LIPC: variants seen among roughly 807,000 people sequenced by gnomAD.
LIPC encodes lipase C, hepatic type.
A neutral mutation model predicts 50.7 loss-of-function variants in LIPC; 44 were observed. The observed-to-expected ratio is 0.87, with a 90% CI of 0.68 to 1.11. LIPC has a LOEUF of 1.11. LIPC is among the 50% of genes most tolerant of loss of function. The probability of loss-of-function intolerance (pLI) is 0.00; values close to 1 mark genes in which losing one functional copy is unlikely to be tolerated. For synonymous variants in LIPC, 271 were observed against 256.4 expected (o/e 1.06, Z -0.54); for missense variants, 697 against 648.2 (o/e 1.08, Z -0.82).
At chr15:58,484,245 T>C (rs1259274828) in intron 1 of LIPC, among the ~76,000 whole-genome samples, 1 of 152,232 alleles carries the variant, frequency 6.6e-6, no homozygotes, top group Non-Finnish European at 1.5e-5. Context: ...CACCTCATTA[T>C]TCCATTCCTA....
At chr15:58,549,998 A>T (rs1222176092) in intron 6 of LIPC, among the ~76,000 whole-genome samples, 1 of 152,148 alleles carries the variant, frequency 6.6e-6, no homozygotes, top group African/African-American at 2.4e-5. Context: ...ATTTCACTGG[A>T]TCTATTTTAA....
intron 6 of LIPC, among the ~76,000 whole-genome samples, chr15:58,554,514 G>A (rs1469902219): frequency 6.6e-6 from 1 of 151,596 alleles, no homozygotes; most frequent in Non-Finnish European, 1.5e-5. Flanking sequence ...GCTGGGGGTG[G>A]CAGGGTAGAA....
intron 1 of LIPC, among the ~76,000 whole-genome samples, chr15:58,517,119 A>G (rs1306248616): frequency 1.3e-5 from 2 of 152,252 alleles, no homozygotes; most frequent in East Asian, 1.9e-4. Context: ...CAAAATATCC[A>G]TGTCCCACAC....
At chr15:58,467,074 C>T (rs1187325209) in intron 1 of LIPC, among the ~76,000 whole-genome samples, 1 of 152,126 alleles carries the variant, frequency 6.6e-6, no homozygotes, top group Non-Finnish European at 1.5e-5. Flanking sequence ...TTTGGCATGA[C>T]GTTTCATCAG....
intron 1 of LIPC, among the ~76,000 whole-genome samples, chr15:58,446,737 G>A (rs1376523345): frequency 6.6e-6 from 1 of 152,110 alleles, no homozygotes; most frequent in Non-Finnish European, 1.5e-5. Context: ...GCCAGTCTTA[G>A]CTACTGTTGT....
rs11633043 is a variant in LIPC, at chr15:58,545,523, G to A, written c.575-219G>A. ...AGAGTTTCCGCAAACCTCTTTCCCC[G>A]CTAGCTAATGCCCAGCCTGTGTGTC... On this transcript the variant is annotated intron_variant, in intron 4 of 8. Transcript: ENST00000299022. Among the ~76,000 whole-genome samples, 17,192 of 152,156 alleles carry A rather than the reference G, an allele frequency of 0.11. 1,114 individuals carry two copies. Among genetic ancestry groups the A allele is most frequent in the East Asian group, 0.2 (1,034 of 5,178 alleles).
chr15:58,544,563 T>C (rs1362069076), intron 4 of LIPC, among the ~76,000 whole-genome samples: 1 of 151,914 alleles, frequency 6.6e-6, no homozygotes, highest in Non-Finnish European at 1.5e-5. Flanking sequence ...GCCCGGCTAA[T>C]TTTTGTATTT....
intron 1 of LIPC, among the ~76,000 whole-genome samples, chr15:58,479,237 G>C (rs1257191341): frequency 6.6e-6 from 1 of 152,168 alleles, no homozygotes; most frequent in Non-Finnish European, 1.5e-5. Context: ...AAAATAATCA[G>C]CCTGAAAATA....
At chr15:58,561,937 A>G (rs1463754912) in intron 7 of LIPC, among the ~76,000 whole-genome samples, 1 of 152,160 alleles carries the variant, frequency 6.6e-6, no homozygotes, top group East Asian at 1.9e-4. Context: ...GGGTCCATTC[A>G]GATGGTTGGA....
At chr15:58,465,971 A>G (rs556442694) in intron 1 of LIPC, among the ~76,000 whole-genome samples, 7 of 152,318 alleles carry the variant, frequency 4.6e-5, no homozygotes, top group Admixed American at 3.9e-4. Context: ...AAGTTCTATC[A>G]AGCCCCATCT....
intron 1 of LIPC, chr15:58,454,445 C>G (rs34430575): frequency 1.6e-4 from 24 of 152,294 alleles, no homozygotes; most frequent in African/African-American, 5.3e-4. Context: ...AAGCAGAAAG[C>G]TGGGGTTTGG....
At chr15:58,566,539 C>A in intron 8 of LIPC, 1 of 770,248 alleles carries the variant, frequency 1.3e-6, no homozygotes, top group Non-Finnish European at 1.6e-6. Flanking sequence ...GAACATTAAA[C>A]TCTACACTCG....
intron 1 of LIPC, among the ~76,000 whole-genome samples, chr15:58,478,147 T>C (rs1368681613): frequency 6.6e-6 from 1 of 152,176 alleles, no homozygotes; most frequent in South Asian, 2.1e-4. Flanking sequence ...AAGCTGGAAG[T>C]GATGAGTGAA....
At chr15:58,559,631 A>G (rs1221656487) in intron 6 of LIPC, among the ~76,000 whole-genome samples, 11 of 151,318 alleles carry the variant, frequency 7.3e-5, no homozygotes, top group Non-Finnish European at 1.3e-4. Flanking sequence ...AAGAGAGCTC[A>G]GGAGGTCAAG....
At chr15:58,452,275 G>T (rs997145502) in intron 1 of LIPC, among the ~76,000 whole-genome samples, 1 of 152,194 alleles carries the variant, frequency 6.6e-6, no homozygotes, top group Admixed American at 6.5e-5. Context: ...GGCAGTCTGG[G>T]TTTTAACGCA....
At chr15:58,500,005 T>G (rs753077556) in intron 1 of LIPC, among the ~76,000 whole-genome samples, 8 of 150,914 alleles carry the variant, frequency 5.3e-5, no homozygotes, top group Non-Finnish European at 1.0e-4. Context: ...CCAGCTGGAG[T>G]AAGGAGAGTA....
At chr15:58,488,466 C>G (rs1282097705) in intron 1 of LIPC, among the ~76,000 whole-genome samples, 2 of 152,220 alleles carry the variant, frequency 1.3e-5, no homozygotes, top group Non-Finnish European at 2.9e-5. Flanking sequence ...AAGAGTCATT[C>G]TCAGGCCTAT....
intron 1 of LIPC, among the ~76,000 whole-genome samples, chr15:58,533,770 C>T (rs1893026369): frequency 6.6e-6 from 1 of 152,114 alleles, no homozygotes; most frequent in Non-Finnish European, 1.5e-5. Flanking sequence ...TGAAGATATA[C>T]TCCAAATGTT....
chr15:58,566,115 T>C (rs1486173476), intron 8 of LIPC: 2 of 975,154 alleles, frequency 2.1e-6, no homozygotes, highest in Non-Finnish European at 2.4e-6. Context: ...CCTGATGTTC[T>C]GCATTTCTAA....
Sources: gnomAD v4.1 joint callset for allele counts (sites outside exome capture counted in the v4.1 genomes callset) on GRCh38, gnomAD v4.1.1 for gene constraint, MANE v1.5 for transcripts, NCBI Gene and HGNC (gene_info 2026-07-23, HGNC 2026-07-21) for gene names.